The following SPECC1 variants were observed in gnomAD, a reference collection of about 807,000 sequenced individuals.
SPECC1 encodes the protein sperm antigen with calponin homology and coiled-coil domains 1, also known as cytospin-B.
A neutral mutation model predicts 104.1 loss-of-function variants in SPECC1; 62 were observed. The observed-to-expected ratio is 0.60, with a 90% confidence interval of 0.49 to 0.74. The LOEUF (loss-of-function observed/expected upper bound fraction) is 0.74. SPECC1 is among the 30% of genes least tolerant of loss of function. SPECC1 has a pLI of 0.00. For missense variants in SPECC1, 1,306 were observed against 1,310.5 expected, an observed-to-expected ratio of 1.00 and a Z score of 0.05; for synonymous variants, 513 against 501.6, an observed-to-expected ratio of 1.02 and a Z score of -0.30.
In SPECC1 at chr17:20,245,920, A is replaced by G. The variant is rs773149918; in HGVS notation, c.2352-6A>G. ...TTTTCAATCTGATTTGCTCTTTGCC[A>G]TGCAGACCTGTGGATGAAGAGCCAG... On this transcript the variant is annotated splice_polypyrimidine_tract_variant and splice_region_variant and intron_variant, in intron 7 of 14. Transcript: ENST00000395527. The G allele has an allele frequency of 2.5e-6, 4 of 1,614,014 alleles. No individual in the cohort carries two copies. The highest frequency in any genetic ancestry group is 3.3e-5 in the Admixed American group (2 of 60,006).
chr17:20,194,501 A>ATTTTTTTTTTTTTTTT (rs1567923485), intron 3 of SPECC1, among the ~76,000 whole-genome samples: 1 of 68,130 alleles, frequency 1.5e-5, no homozygotes, highest in East Asian at 1.2e-3. Context: ...AAAGAGAACG[A>ATTTTTTTTTTTTTTTT]ATTTTTTTTT....
chr17:20,080,067 C>T (rs2046906559), intron 1 of SPECC1, among the ~76,000 whole-genome samples: 1 of 152,136 alleles, frequency 6.6e-6, no homozygotes, highest in African/African-American at 2.4e-5. Context: ...TATTACAGTT[C>T]CTAAAACTGA....
chr17:20,193,525 CCTGA>C (rs1447905357), intron 3 of SPECC1, among the ~76,000 whole-genome samples: 13 of 151,564 alleles, frequency 8.6e-5, no homozygotes, highest in South Asian at 2.1e-4. Context: ...GATATTCCTG[CCTGA>C]CTATTAGGGT....
intron 1 of SPECC1, among the ~76,000 whole-genome samples, chr17:20,045,824 G>A (rs1452919989): frequency 6.6e-6 from 1 of 152,062 alleles, no homozygotes; most frequent in African/African-American, 2.4e-5. Flanking sequence ...TATCAGTAGT[G>A]TTTTTTGGGC....
At chr17:20,045,981 T>C (rs2045524428) in intron 1 of SPECC1, among the ~76,000 whole-genome samples, 1 of 151,446 alleles carries the variant, frequency 6.6e-6, no homozygotes, top group Non-Finnish European at 1.5e-5. Flanking sequence ...GTTTATCGAC[T>C]TGAGAAAGAA....
At position 20,110,483 on chromosome 17, in the gene SPECC1, G is replaced by T. The variant is rs752821428; in HGVS notation, c.204G>T (p.Ser68=). 3 of 1,613,984 alleles carry T rather than the reference G, an allele frequency of 1.9e-6. No individual in the cohort carries two copies. Among genetic ancestry groups the T allele is most frequent in the Admixed American group, 1.7e-5 (1 of 60,000 alleles). ...ACAAGCCAGGAAGTACCGCTGCATC[G>T]GGGGTGGTTCGCCTGAAGAAGACCG... ...TLNKPGSTAA[S]GVVRLKKTAT... The change falls in exon 3 of 15, where the codon TCG becomes TCT. Residue 68 remains serine (S), a synonymous_variant. Transcript: ENST00000395527.
At chr17:20,010,760 T>C (rs1597556672) in intron 1 of SPECC1, among the ~76,000 whole-genome samples, 1 of 152,238 alleles carries the variant, frequency 6.6e-6, no homozygotes, top group African/African-American at 2.4e-5. Flanking sequence ...TGAGGTTAAA[T>C]AGGAATCTTT....
chr17:20,202,696 T>G (rs1336061034), intron 3 of SPECC1, among the ~76,000 whole-genome samples: 1 of 152,208 alleles, frequency 6.6e-6, no homozygotes, highest in Non-Finnish European at 1.5e-5. Context: ...TGTTTATGTT[T>G]TCAGTCAGGC....
In SPECC1 at chr17:20,227,400, C is replaced by A. The variant is rs1215498155; in HGVS notation, c.1864-13C>A. ...TGTTGTTAACTGACCAAGGAACCTT[C>A]CTTTTATTTTAGGTGGAAAAGGATT... is the stretch of plus-strand genomic sequence containing the variant. On this transcript the variant is annotated splice_polypyrimidine_tract_variant and intron_variant, in intron 4 of 14. Coordinates refer to ENST00000395527, the MANE Select transcript of SPECC1 (RefSeq NM_001243439.2). 2.5e-6 allele frequency: 4 copies of A among 1,607,520 alleles called. No homozygotes were observed. Among genetic ancestry groups the A allele is most frequent in the South Asian group, 1.1e-5 (1 of 90,134 alleles).
rs1335394491 is a variant in SPECC1, at chr17:20,314,152, C to T, written c.*87C>T. The T allele has an allele frequency of 8.8e-6, 10 of 1,132,762 alleles. No individual in the cohort carries two copies. The East Asian group carries it at 2.0e-4, about 23-fold the overall frequency. 70.2% of individuals were successfully genotyped at this position (1,132,762 alleles called of 1,614,324 possible). The stretch of plus-strand genomic sequence containing the variant: ...ATTACTGTCCACTGACCCTGCTCTG[C>T]CCACCACCCAGCTGCCTAGACTTCA... On this transcript the variant is annotated 3_prime_UTR_variant, in exon 15 of 15. Coordinates refer to ENST00000395527, the MANE Select transcript of SPECC1 (RefSeq NM_001243439.2).
intron 7 of SPECC1, chr17:20,238,088 C>T (rs1051869070): frequency 4.9e-6 from 5 of 1,026,440 alleles, no homozygotes; most frequent in African/African-American, 1.7e-5. Flanking sequence ...AGTCTGACTT[C>T]ATTACCTCGT....
Position 20,023,743 on chromosome 17 carries a change from C to T in SPECC1, c.-22+14319C>T, listed in dbSNP as rs1180352896. Among the ~76,000 whole-genome samples, 2 of 151,622 alleles carry T rather than the reference C, an allele frequency of 1.3e-5. 1 individual carries two copies. The highest frequency in any genetic ancestry group is 4.9e-5 in the African/African-American group (2 of 41,228). The stretch of plus-strand genomic sequence containing the variant: ...TGAATAAAAAATCCACACGTGGAAT[C>T]GTGAATGCTTAAATAATCCAAGGTT... On this transcript the variant is annotated intron_variant, in intron 1 of 14. Transcript: ENST00000395527.
chr17:20,045,680 A>G (rs369021950), intron 1 of SPECC1, among the ~76,000 whole-genome samples: 1 of 152,214 alleles, frequency 6.6e-6, no homozygotes, highest in African/African-American at 2.4e-5. Flanking sequence ...AAGTTGGTAC[A>G]TCCTAGCTCT....
chr17:20,234,627 C>T (rs972173196), intron 7 of SPECC1, among the ~76,000 whole-genome samples: 5 of 152,178 alleles, frequency 3.3e-5, no homozygotes, highest in African/African-American at 1.2e-4. Flanking sequence ...CTTGGTTCAG[C>T]CACAGCCAAA....
intron 4 of SPECC1, among the ~76,000 whole-genome samples, chr17:20,217,465 A>T (rs962035862): frequency 3.4e-4 from 52 of 152,052 alleles, no homozygotes; most frequent in African/African-American, 1.2e-3. Context: ...CAGCAGCCTC[A>T]CCTGCAAGCA....
At chr17:20,305,968 C>A in intron 13 of SPECC1, 55 bp from the exon 14 acceptor site, 2 of 1,512,732 alleles carry the variant, frequency 1.3e-6, no homozygotes, top group Non-Finnish European at 9.2e-7. Flanking sequence ...TCTTTCCTGG[C>A]AAAAGCTATA....
At position 20,205,392 on chromosome 17, in the gene SPECC1, A is replaced by T. The variant is rs755774124; in HGVS notation, c.1343A>T (p.Gln448Leu). The change falls in exon 4 of 15, where the codon CAA becomes CTA. Residue 448 changes from glutamine (Q) to leucine (L), a missense_variant. Gln to Leu is a moderately radical substitution (Grantham distance 113, BLOSUM62 -2). Around this residue, in one of 2 missense-constraint regions of SPECC1, gnomAD observed 1,177 missense variants for 1,139.9 expected, o/e 1.03. Coordinates refer to ENST00000395527, the MANE Select transcript of SPECC1 (RefSeq NM_001243439.2). ...AATGAGAAGCTGATGAATCTTTTAC[A>T]AGAGCGAGTAAAGAATGAAGAGCCC... ...QENEKLMNLL[Q>L]ERVKNEEPTT... 1.2e-6 allele frequency: 2 copies of T among 1,613,724 alleles called. No homozygotes were observed. The highest frequency in any genetic ancestry group is 1.7e-6 in the Non-Finnish European group (2 of 1,179,960).
At chr17:20,133,854 TC>T (rs1178370694) in intron 3 of SPECC1, among the ~76,000 whole-genome samples, 2 of 152,210 alleles carry the variant, frequency 1.3e-5, no homozygotes, top group Non-Finnish European at 2.9e-5. Flanking sequence ...ACCAGACCAG[TC>T]TCCACTGTGG....
intron 1 of SPECC1, among the ~76,000 whole-genome samples, chr17:20,052,435 A>C (rs542890576): frequency 2.0e-5 from 3 of 152,330 alleles, no homozygotes; most frequent in Admixed American, 2.0e-4. Flanking sequence ...ATCTAGACCA[A>C]AAACCAGAGT....
Sources: gnomAD v4.1 joint callset for allele counts (sites outside exome capture counted in the v4.1 genomes callset) on GRCh38, gnomAD v4.1.1 for gene constraint, gnomAD v4.1.1 regional missense constraint, MANE v1.5 for transcripts, NCBI Gene and HGNC (gene_info 2026-07-23, HGNC 2026-07-21) for gene names.